The following RERG variants were observed in gnomAD, a reference collection of about 807,000 sequenced individuals.
RERG encodes the protein RAS like estrogen regulated growth inhibitor.
RERG carries 25 observed loss-of-function variants against 23.2 expected under a neutral mutation model. That is an observed-to-expected ratio of 1.08 (90% CI 0.79 to 1.50). The LOEUF (loss-of-function observed/expected upper bound fraction) is 1.50, where lower values mean the gene tolerates loss of function less well. Among genes scored for constraint, RERG ranks in the 40% most tolerant of loss-of-function variants. The probability of loss-of-function intolerance (pLI) is 0.00; values close to 1 mark genes in which losing one functional copy is unlikely to be tolerated. For missense variants in RERG, 253 were observed against 250.1 expected, an observed-to-expected ratio of 1.01 and a Z score of -0.08; for synonymous variants, 81 against 89.1, an observed-to-expected ratio of 0.91 and a Z score of 0.51.
At chr12:15,161,211 AAAG>A (rs1864608293) in intron 2 of RERG, among the ~76,000 whole-genome samples, 2 of 134,334 alleles carry the variant, frequency 1.5e-5, no homozygotes, top group East Asian at 4.4e-4. Context: ...AGAAAGAAAG[AAAG>A]AAAGAAAGAA....
chr12:15,190,008 T>G (rs1324437816), intron 2 of RERG, among the ~76,000 whole-genome samples: 1 of 152,156 alleles, frequency 6.6e-6, no homozygotes, highest in East Asian at 1.9e-4. Context: ...CACTTCTCAG[T>G]AACAGTAAGA....
intron 2 of RERG, among the ~76,000 whole-genome samples, chr12:15,216,287 CT>C (rs1274665668): frequency 6.6e-6 from 1 of 152,186 alleles, no homozygotes; most frequent in Non-Finnish European, 1.5e-5. Context: ...ATCTATTTTC[CT>C]TGTGTGGTTT....
intron 3 of RERG, among the ~76,000 whole-genome samples, chr12:15,117,815 T>C (rs1458882234): frequency 6.6e-6 from 1 of 152,068 alleles, no homozygotes; most frequent in Admixed American, 6.5e-5. Context: ...TTGGTTGGGA[T>C]CCATTCAGAA....
Position 15,110,471 on chromosome 12 carries a change from T to C in RERG, c.192+873A>G, listed in dbSNP as rs1209130585. ...CCAGTGGCCATTTTTTTCTTTTTTT[T>C]TTTTTTTTTTTTTTTTTTTTTTACT... On this transcript the variant is annotated intron_variant, in intron 4 of 4. Transcript: ENST00000256953. Among the ~76,000 whole-genome samples the C allele has an allele frequency of 1.0e-2, 715 of 71,768 alleles. 11 individuals are homozygous for C. Among genetic ancestry groups the C allele is most frequent in the African/African-American group, 0.034 (677 of 19,802 alleles). 47.1% of individuals were successfully genotyped at this position (71,768 alleles called of 152,430 possible).
chr12:15,140,972 T>C (rs538605356), intron 2 of RERG, among the ~76,000 whole-genome samples: 19 of 152,288 alleles, frequency 1.2e-4, no homozygotes, highest in Middle Eastern at 3.4e-3. Context: ...ATATTCTAAG[T>C]TATTATTTCA....
chr12:15,144,693 G>A (rs1864300933), intron 2 of RERG, among the ~76,000 whole-genome samples: 1 of 152,206 alleles, frequency 6.6e-6, no homozygotes, highest in Admixed American at 6.5e-5. Context: ...GGGTGGCAAT[G>A]CAGAGAGTCA....
chr12:15,111,500 G>C (rs1863616656), intron 3 of RERG, 83 bp from the exon 4 acceptor site: 1 of 1,070,780 alleles, frequency 9.3e-7, no homozygotes, highest in African/African-American at 1.6e-5. Flanking sequence ...AAATGGGCAT[G>C]GGAGAAGTAT....
intron 2 of RERG, among the ~76,000 whole-genome samples, chr12:15,139,013 ACTT>A (rs1464963185): frequency 3.0e-5 from 1 of 33,514 alleles, no homozygotes; most frequent in African/African-American, 1.0e-4. Flanking sequence ...CTGTGTCTAG[ACTT>A]TTTTTTTTTT....
intron 2 of RERG, among the ~76,000 whole-genome samples, chr12:15,144,467 C>T (rs1002092296): frequency 3.3e-5 from 5 of 151,898 alleles, no homozygotes; most frequent in East Asian, 1.9e-4. Flanking sequence ...AAATGAGGGA[C>T]GGTAATTGGA....
At chr12:15,153,743 G>A (rs761968870) in intron 2 of RERG, among the ~76,000 whole-genome samples, 7 of 152,130 alleles carry the variant, frequency 4.6e-5, no homozygotes, top group Non-Finnish European at 7.3e-5. Flanking sequence ...CCTCTCTGGT[G>A]ATTTTTCAAG....
chr12:15,176,748 T>C (rs987704095), intron 2 of RERG, among the ~76,000 whole-genome samples: 1 of 152,086 alleles, frequency 6.6e-6, no homozygotes, highest in African/African-American at 2.4e-5. Context: ...AATTTACTTG[T>C]TATTTTATTT....
intron 3 of RERG, among the ~76,000 whole-genome samples, chr12:15,120,479 A>G (rs145778743): frequency 1.1e-3 from 103 of 92,366 alleles, no homozygotes; most frequent in African/African-American, 3.6e-3. Flanking sequence ...ACAAAAATAA[A>G]ACAAAACAAA....
At chr12:15,169,627 A>G (rs1864748607) in intron 2 of RERG, among the ~76,000 whole-genome samples, 1 of 152,206 alleles carries the variant, frequency 6.6e-6, no homozygotes, top group South Asian at 2.1e-4. Context: ...CTCTGCCATC[A>G]TGTGAGCCAG....
intron 2 of RERG, among the ~76,000 whole-genome samples, chr12:15,208,565 A>G (rs1047329575): frequency 1.3e-5 from 2 of 152,302 alleles, no homozygotes; most frequent in African/African-American, 4.8e-5. Context: ...ATGAACAGAA[A>G]CAGCTACTGC....
intron 2 of RERG, among the ~76,000 whole-genome samples, chr12:15,191,529 G>A (rs1192021777): frequency 6.6e-6 from 1 of 151,930 alleles, no homozygotes; most frequent in Non-Finnish European, 1.5e-5. Flanking sequence ...ATCGTATTTA[G>A]GTTAAATCCC....
chr12:15,154,357 G>A (rs535806340), intron 2 of RERG: 1 of 152,274 alleles, frequency 6.6e-6, no homozygotes, highest in South Asian at 2.1e-4. Context: ...TCCTTTTAAA[G>A]TTTGCCAGAC....
intron 2 of RERG, chr12:15,137,880 C>A: frequency 2.3e-6 from 1 of 440,396 alleles, no homozygotes; most frequent in Middle Eastern, 3.3e-4. Flanking sequence ...AAGTACAATC[C>A]AGTTTCTGAG....
At chr12:15,154,234 A>G (rs10846153) in intron 2 of RERG, 79,780 of 151,998 alleles carry the variant, frequency 0.52, 20,979 homozygotes, top group Admixed American at 0.55. Flanking sequence ...TTGGCTTGCC[A>G]TTTAGCCCCC....
At chr12:15,220,933 T>C (rs1283872359) in intron 1 of RERG, among the ~76,000 whole-genome samples, 3 of 152,232 alleles carry the variant, frequency 2.0e-5, no homozygotes, top group Non-Finnish European at 4.4e-5. Context: ...AAATCCATTG[T>C]GGACTGCAAG....
Sources: gnomAD v4.1 joint callset for allele counts (sites outside exome capture counted in the v4.1 genomes callset) on GRCh38, gnomAD v4.1.1 for gene constraint, MANE v1.5 for transcripts, NCBI Gene and HGNC (gene_info 2026-07-23, HGNC 2026-07-21) for gene names.